The following ANK2 variants were observed in gnomAD, a reference collection of about 807,000 sequenced individuals.
ANK2 encodes the protein ankyrin-2.
In ANK2, 83 loss-of-function variants were observed where a neutral mutation model predicts 360.5. The observed-to-expected ratio is 0.23, with a 90% CI of 0.19 to 0.28. The LOEUF (loss-of-function observed/expected upper bound fraction) is 0.28, where lower values mean the gene tolerates loss of function less well. Among genes scored for constraint, ANK2 ranks in the 10% least tolerant of loss-of-function variants. The pLI, the probability that ANK2 is intolerant of heterozygous loss-of-function variation, is 1.00. For missense variants in ANK2, 4,201 were observed against 4,795.7 expected (o/e 0.88, Z 3.66); for synonymous variants, 1,740 against 1,759.5 (o/e 0.99, Z 0.28).
intron 2 of ANK2, among the ~76,000 whole-genome samples, chr4:112,988,001 C>T (rs191600178): frequency 3.0e-4 from 46 of 152,200 alleles, no homozygotes; most frequent in African/African-American, 9.2e-4. Context: ...AGAGCTAGCA[C>T]GACCAAGGAG....
At chr4:113,189,814 A>G (rs2098626365) in intron 2 of ANK2, among the ~76,000 whole-genome samples, 1 of 152,076 alleles carries the variant, frequency 6.6e-6, no homozygotes. Context: ...TTCATGGTAC[A>G]TACTCCTTCC....
chr4:113,335,913 G>C lies in ANK2; in HGVS notation c.3447G>C (p.Gln1149His), dbSNP rs2153958102. The change falls in exon 30 of 46, where the codon CAG (glutamine) becomes CAC (histidine). Residue 1149 changes from glutamine to histidine, a missense_variant. This residue lies in a region of ANK2 where 1,268 missense variants were observed against 1,650.8 expected (regional missense o/e 0.77). Transcript: ENST00000357077. ...ICRIITRDFP[Q>H]YFAVVSRIKQ... The stretch of plus-strand genomic sequence containing the variant: ...GCATCATCACCCGAGACTTCCCACA[G>C]TACTTTGCAGTGGTGTCTCGTATCA... 6.2e-7 allele frequency: 1 copy of C among 1,614,172 alleles called. No individual in the cohort carries two copies. The highest frequency in any genetic ancestry group is 2.2e-5 in the East Asian group (1 of 44,868).
At chr4:113,038,316 T>C (rs1442182825) in intron 2 of ANK2, among the ~76,000 whole-genome samples, 2 of 152,042 alleles carry the variant, frequency 1.3e-5, no homozygotes, top group Non-Finnish European at 2.9e-5. Context: ...AAGACTTTTT[T>C]TTGAGAAGAA....
At chr4:113,110,582 A>G (rs186816204) in intron 1 of ANK2, among the ~76,000 whole-genome samples, 3 of 152,312 alleles carry the variant, frequency 2.0e-5, no homozygotes, top group Admixed American at 2.0e-4. Flanking sequence ...CCAGATGTTT[A>G]CAACTTCATA....
At chr4:113,092,628 G>C (rs923565731) in intron 1 of ANK2, among the ~76,000 whole-genome samples, 1 of 152,052 alleles carries the variant, frequency 6.6e-6, no homozygotes, top group African/African-American at 2.4e-5. Context: ...TCCATTTCTT[G>C]CTACTTACTA....
chr4:113,069,033 G>A (rs2076600769), intron 1 of ANK2, among the ~76,000 whole-genome samples: 2 of 151,936 alleles, frequency 1.3e-5, no homozygotes, highest in East Asian at 1.9e-4. Flanking sequence ...ACTGCACTGG[G>A]CAACACAGCG....
the ANK2 span, among the ~76,000 whole-genome samples, chr4:112,726,481 C>T: frequency 6.6e-6 from 1 of 152,072 alleles, no homozygotes; most frequent in Non-Finnish European, 1.5e-5. Context: ...CAGTATTATT[C>T]TTCTTCCCAC....
At position 112,905,146 on chromosome 4, in the gene ANK2, AAGAATCCGT is replaced by A. The variant is rs1348914715; in HGVS notation, c.21+633_21+641del. Among the ~76,000 whole-genome samples the A allele has an allele frequency of 4.6e-5, 7 of 152,286 alleles. No individual in the cohort carries two copies. The East Asian group carries it at 1.4e-3, about 29-fold the overall frequency. On this transcript the variant is annotated intron_variant, in intron 2 of 30. Transcript: ENST00000503271. ...TTTTTAAGTCGTGAATCTCATCTAG[AAGAATCCGT>A]TTCTTTTCTAGAAGGAATCTACGAA...
intron 1 of ANK2, among the ~76,000 whole-genome samples, chr4:112,828,346 G>A (rs2058894467): frequency 6.9e-6 from 1 of 145,494 alleles, no homozygotes; most frequent in Admixed American, 7.3e-5. Context: ...GCAATTCTCT[G>A]CCTCAGCCTC....
chr4:112,753,598 C>A, the ANK2 span, among the ~76,000 whole-genome samples: 1 of 152,056 alleles, frequency 6.6e-6, no homozygotes, highest in African/African-American at 2.4e-5. Context: ...TCATAAAGAC[C>A]GTGCTGATAA....
chr4:112,756,802 A>G, the ANK2 span, among the ~76,000 whole-genome samples: 6 of 152,182 alleles, frequency 3.9e-5, no homozygotes, highest in Admixed American at 3.9e-4. Flanking sequence ...GTACAACCCC[A>G]TCTCTACTAA....
the ANK2 span, among the ~76,000 whole-genome samples, chr4:112,791,476 CTTCT>C: frequency 8.1e-3 from 801 of 98,304 alleles, 7 homozygotes; most frequent in African/African-American, 0.034. Context: ...TCTTCTTCTT[CTTCT>C]TTTTTTTTTT....
At position 113,382,539 on chromosome 4, in the gene ANK2, T is replaced by C. The variant is rs892795070; in HGVS notation, c.*1068T>C. On this transcript the variant is annotated 3_prime_UTR_variant, in exon 46 of 46. Coordinates refer to ENST00000357077, the MANE Select transcript of ANK2 (RefSeq NM_001148.6). Reference sequence around the variant, plus strand: ...GCTGTCTTACAGTGGTACTTTCTTCTGGCCACTGCACTGTAGATAATTCAT... The same window carrying C: ...GCTGTCTTACAGTGGTACTTTCTTCCGGCCACTGCACTGTAGATAATTCAT... 6.5e-6 allele frequency: 1 copy of C among 152,788 alleles called. No individual in the cohort carries two copies. The highest frequency in any genetic ancestry group is 6.5e-5 in the Admixed American group (1 of 15,306). 9.5% of individuals were successfully genotyped at this position (152,788 alleles called of 1,614,324 possible). A position where few individuals can be genotyped will look rare whatever the true frequency, so the allele number is the denominator to read the frequency against.
intron 2 of ANK2, among the ~76,000 whole-genome samples, chr4:112,977,442 T>A (rs2154269422): frequency 6.6e-6 from 1 of 152,212 alleles, no homozygotes; most frequent in African/African-American, 2.4e-5. Flanking sequence ...GAATTGAGTG[T>A]AATGTCTTTC....
chr4:113,145,631 C>A (rs1582971584), intron 1 of ANK2: 1 of 1,104,036 alleles, frequency 9.1e-7, no homozygotes, highest in East Asian at 6.3e-5. Flanking sequence ...ACTGGCAGCG[C>A]CTGCACTGGA....
chr4:113,226,932 C>T (rs1202830391), intron 4 of ANK2, among the ~76,000 whole-genome samples: 2 of 152,250 alleles, frequency 1.3e-5, no homozygotes, highest in African/African-American at 4.8e-5. Flanking sequence ...GGAGAAAATG[C>T]ATCTATTTTC....
intron 2 of ANK2, among the ~76,000 whole-genome samples, chr4:112,953,165 A>G (rs2095136758): frequency 6.6e-6 from 1 of 152,216 alleles, no homozygotes; most frequent in Non-Finnish European, 1.5e-5. Context: ...GATATATCTG[A>G]TTCCAGAACT....
intron 9 of ANK2, among the ~76,000 whole-genome samples, chr4:113,245,987 G>A (rs1333434672): frequency 6.6e-6 from 1 of 151,992 alleles, no homozygotes; most frequent in Admixed American, 6.6e-5. Context: ...ATAGAGACAG[G>A]GTTTCTCCAT....
chr4:113,327,776 C>T (rs2090755237), intron 26 of ANK2, among the ~76,000 whole-genome samples: 1 of 152,194 alleles, frequency 6.6e-6, no homozygotes, highest in Non-Finnish European at 1.5e-5. Flanking sequence ...GTGGCAGCAG[C>T]TGCTATGTCT....
Sources: gnomAD v4.1 joint callset for allele counts (sites outside exome capture counted in the v4.1 genomes callset) on GRCh38, gnomAD v4.1.1 for gene constraint, gnomAD v4.1.1 regional missense constraint, MANE v1.5 for transcripts, NCBI Gene and HGNC (gene_info 2026-07-23, HGNC 2026-07-21) for gene names.